VPS33A: variants seen among roughly 807,000 people sequenced by gnomAD.
The protein encoded by VPS33A is VPS33A core subunit of CORVET and HOPS complexes.
VPS33A carries 32 observed loss-of-function variants against 71.8 expected under a neutral mutation model. The observed-to-expected ratio is 0.45, with a 90% CI of 0.34 to 0.60. The LOEUF is 0.60. Among genes scored for constraint, VPS33A ranks in the 20% least tolerant of loss-of-function variants. VPS33A has a pLI of 0.02. For missense variants in VPS33A, 625 were observed against 748.5 expected (o/e 0.84, Z 1.92); for synonymous variants, 311 against 292.7 (o/e 1.06, Z -0.64).
chr12:122,247,701 T>G (rs2136135465), intron 6 of VPS33A, among the ~76,000 whole-genome samples: 1 of 152,216 alleles, frequency 6.6e-6, no homozygotes, highest in Non-Finnish European at 1.5e-5. Flanking sequence ...TTAGTACATA[T>G]ACAACATGGT....
At chr12:122,264,349 T>C (rs1955038889) in intron 1 of VPS33A, 150 bp from the exon 2 acceptor site, 8 of 518,958 alleles carry the variant, frequency 1.5e-5, no homozygotes, top group East Asian at 3.2e-5. Context: ...ATAATAATAA[T>C]ACATAAAGGA....
chr12:122,250,128 A>G, intron 5 of VPS33A, 83 bp from the exon 6 acceptor site: 1 of 1,362,610 alleles, frequency 7.3e-7, no homozygotes. Context: ...AAAGACAATC[A>G]AAAAAGTAAA....
At chr12:122,264,076 G>T in intron 2 of VPS33A, 58 bp downstream of exon 2, 2 of 1,379,854 alleles carry the variant, frequency 1.4e-6, no homozygotes, top group Non-Finnish European at 9.9e-7. Context: ...AAATCCTATT[G>T]TAACTGCTAA....
rs1955071527 is a variant in VPS33A, at chr12:122,266,356, G to A, written c.53C>T (p.Ala18Val). Residue 18 changes from alanine (A) to valine (V), a missense_variant, in exon 1 of 13, where the codon GCG (alanine) becomes GTG (valine). By Grantham distance (64) the Ala-to-Val change is moderately conservative (BLOSUM62 0). Coordinates refer to ENST00000267199, the MANE Select transcript of VPS33A (RefSeq NM_022916.6). ...GRVNLNVLRE[A>V]VRRELREFLD... is the part of the protein sequence containing the mutation. Reference sequence around the variant, plus strand: ...GAACTCGCGCAGCTCGCGACGCACCGCCTCGCGCAACACGTTTAGGTTCAC... The same window carrying A: ...GAACTCGCGCAGCTCGCGACGCACCACCTCGCGCAACACGTTTAGGTTCAC... The A allele has an allele frequency of 6.2e-7, 1 of 1,613,370 alleles. No individual in the cohort carries two copies. The highest frequency in any genetic ancestry group is 1.3e-5 in the African/African-American group (1 of 74,920).
intron 4 of VPS33A, among the ~76,000 whole-genome samples, chr12:122,261,041 G>A (rs35030971): frequency 6.6e-6 from 1 of 152,112 alleles, no homozygotes; most frequent in Admixed American, 6.5e-5. Context: ...GATACTTGCA[G>A]CTTTTATAAT....
intron 1 of VPS33A, chr12:122,265,845 A>G (rs916711477): frequency 5.2e-6 from 2 of 382,352 alleles, no homozygotes; most frequent in Non-Finnish European, 1.1e-5. Flanking sequence ...TTAGGAGGCC[A>G]GGTTAAAAGC....
chr12:122,240,979 A>G (rs1256107612), intron 8 of VPS33A: 1 of 152,040 alleles, frequency 6.6e-6, no homozygotes, highest in Non-Finnish European at 1.5e-5. Flanking sequence ...TAGTAAAAAT[A>G]GAAAATAAGC....
At chr12:122,254,722 TGAA>T in intron 4 of VPS33A, among the ~76,000 whole-genome samples, 1 of 152,152 alleles carries the variant, frequency 6.6e-6, no homozygotes, top group South Asian at 2.1e-4. Context: ...GCATCTTAGG[TGAA>T]TATACAAAGC....
chr12:122,242,489 G>A lies in VPS33A; in HGVS notation c.989C>T (p.Thr330Ile), dbSNP rs1240280756. 1.2e-6 allele frequency: 2 copies of A among 1,613,076 alleles called. No homozygotes were observed. Among genetic ancestry groups the A allele is most frequent in the Admixed American group, 3.3e-5 (2 of 59,952 alleles). ...AACAAACTGCTTGATCTCCCCCACG[G>A]TCTTAGCATTGTGTCTTTCCTGAAA... ...AAFEERHNAK[T>I]VGEIKQFVSQ... is the part of the protein sequence containing the mutation. The change falls in exon 8 of 13, where the codon ACC becomes ATC. Residue 330 changes from threonine to isoleucine, a missense_variant. Transcript: ENST00000267199.
chr12:122,250,909 G>A lies in VPS33A; in HGVS notation c.600+74C>T, dbSNP rs868746211. On this transcript the variant is annotated intron_variant, in intron 5 of 12. Transcript: ENST00000267199. ...TAAGATCAACTGAATTTGTTTGTAA[G>A]GAGCTTCCCGTTCCTCCTCCCTTTT... is the stretch of plus-strand genomic sequence containing the variant. 2.2e-5 allele frequency: 23 copies of A among 1,054,436 alleles called. No individual in the cohort carries two copies. The Middle Eastern group carries it at 4.8e-3, about 221-fold the overall frequency. The allele number at this position is 1,054,436 out of a possible 1,614,324, so 65.3% of individuals were successfully genotyped here.
chr12:122,263,728 C>G, intron 2 of VPS33A, 29 bp from the exon 3 acceptor site: 1 of 1,554,770 alleles, frequency 6.4e-7, no homozygotes, highest in Non-Finnish European at 8.7e-7. Flanking sequence ...AAAAGGTTAA[C>G]AAGAAGACTG....
intron 4 of VPS33A, among the ~76,000 whole-genome samples, chr12:122,257,870 T>C (rs1043994744): frequency 1.3e-5 from 2 of 152,092 alleles, no homozygotes; most frequent in South Asian, 2.1e-4. Flanking sequence ...TACAGACATA[T>C]AGATCAGTGA....
At chr12:122,262,360 T>A (rs904688789) in intron 3 of VPS33A, among the ~76,000 whole-genome samples, 1 of 152,220 alleles carries the variant, frequency 6.6e-6, no homozygotes, top group African/African-American at 2.4e-5. Context: ...TGAAATAGGA[T>A]ATCTGTGTCT....
rs1247839543 is a variant in VPS33A at position 122,232,101 on chromosome 12, T to C, written c.*145A>G. ...AATACAAAAGAGACGGAGAAAGCAG[T>C]AAACAGTAGTATAATTTAAGAAGCT... On this transcript the variant is annotated 3_prime_UTR_variant, in exon 13 of 13. Coordinates refer to ENST00000267199, the MANE Select transcript of VPS33A (RefSeq NM_022916.6). 11 of 730,434 alleles carry C rather than the reference T, an allele frequency of 1.5e-5. No individual in the cohort carries two copies. Among genetic ancestry groups the C allele is most frequent in the Admixed American group, 2.9e-5 (1 of 34,308 alleles). The allele number at this position is 730,434 out of a possible 1,614,324, so 45.2% of individuals were successfully genotyped here. A position where few individuals can be genotyped will look rare whatever the true frequency, so the allele number is the denominator to read the frequency against.
intron 11 of VPS33A, among the ~76,000 whole-genome samples, chr12:122,234,341 A>C (rs1016383505): frequency 6.6e-6 from 1 of 151,982 alleles, no homozygotes; most frequent in African/African-American, 2.4e-5. Context: ...GCAGCAGTGC[A>C]ATCTCAGCTC....
intron 4 of VPS33A, among the ~76,000 whole-genome samples, chr12:122,251,781 G>T (rs1009537551): frequency 3.3e-5 from 5 of 151,928 alleles, no homozygotes; most frequent in Non-Finnish European, 7.4e-5. Flanking sequence ...TCGTGGGGTG[G>T]GGGAAGGGGG....
Position 122,266,487 on chromosome 12 carries a change from G to A in VPS33A, c.-79C>T, listed in dbSNP as rs1566056748. ...GGGAGGACCACGGACGCAGTCACGT[G>A]ACCAAACGTCCACGTGACCGGTACG... On this transcript the variant is annotated 5_prime_UTR_variant, in exon 1 of 13. Coordinates refer to ENST00000267199, the MANE Select transcript of VPS33A (RefSeq NM_022916.6). 2 of 1,548,200 alleles carry A rather than the reference G, an allele frequency of 1.3e-6. No homozygotes were observed. The highest frequency in any genetic ancestry group is 1.8e-6 in the Non-Finnish European group (2 of 1,141,096).
At chr12:122,233,478 G>A (rs1295319711) in intron 11 of VPS33A, among the ~76,000 whole-genome samples, 1 of 152,030 alleles carries the variant, frequency 6.6e-6, no homozygotes, top group African/African-American at 2.4e-5. Context: ...CACCTGCCTC[G>A]GCCTCCCAAA....
intron 11 of VPS33A, among the ~76,000 whole-genome samples, chr12:122,234,105 C>T (rs767565251): frequency 6.6e-6 from 1 of 152,136 alleles, no homozygotes; most frequent in Non-Finnish European, 1.5e-5. Context: ...GTGCACCCCA[C>T]TTTGGAGACC....
Sources: allele counts gnomAD v4.1 joint callset (sites outside exome capture counted in the v4.1 genomes callset), GRCh38; gene constraint gnomAD v4.1.1; transcripts MANE v1.5; gene names NCBI Gene and HGNC (gene_info 2026-07-23, HGNC 2026-07-21).